Variants in SCRN2 observed in about 807,000 individuals in gnomAD.
SCRN2 encodes secernin-2.
SCRN2 carries 30 observed loss-of-function variants against 40.1 expected under a neutral mutation model. The ratio of observed to expected loss-of-function variants is 0.75; its 90% confidence interval spans 0.56 to 1.01. The LOEUF (loss-of-function observed/expected upper bound fraction) is 1.01. Ranked by LOEUF, SCRN2 falls within the 50% of genes least tolerant of loss-of-function variation. The pLI is 0.00. For missense variants in SCRN2, 526 were observed against 564.9 expected (o/e 0.93, Z 0.70); for synonymous variants, 240 against 233.5 (o/e 1.03, Z -0.25).
rs775368443 is a variant in SCRN2, at chr17:47,838,268, A to AC, written c.1119+1dup. 2 of 1,587,318 alleles carry AC rather than the reference A, an allele frequency of 1.3e-6. No homozygotes were observed. The highest frequency in any genetic ancestry group is 1.7e-6 in the Non-Finnish European group (2 of 1,170,488). On this transcript the variant is annotated splice_donor_variant, in intron 7 of 7. Coordinates refer to ENST00000290216, the MANE Select transcript of SCRN2 (RefSeq NM_138355.4). LOFTEE classifies it high-confidence loss of function. ...AGGTAGCCCCTACTCCCTGGGGGAT[A>AC]CCTGATCTCTCTCCATCAGCCCCAG...
At chr17:47,839,967 T>G in intron 3 of SCRN2, 1 of 591,866 alleles carries the variant, frequency 1.7e-6, no homozygotes, top group Non-Finnish European at 3.0e-6. Context: ...CTATGTAAGA[T>G]TTCAACTGAA....
intron 7 of SCRN2, 87 bp downstream of exon 7, chr17:47,838,183 C>CCTA (rs2033732020): frequency 6.4e-7 from 1 of 1,552,588 alleles, no homozygotes; most frequent in African/African-American, 1.4e-5. Context: ...TCTTCCACTC[C>CCTA]CTAGTTCCTT....
intron 5 of SCRN2, 44 bp downstream of exon 5, chr17:47,838,747 G>A (rs766638527): frequency 1.2e-6 from 2 of 1,610,710 alleles, no homozygotes; most frequent in African/African-American, 1.3e-5. Flanking sequence ...GGCTGGCACT[G>A]CTGTGGCCCT....
chr17:47,837,925 G>C lies in SCRN2; in HGVS notation c.1197C>G (p.Ala399=). The C allele has an allele frequency of 6.2e-7, 1 of 1,604,798 alleles. No homozygotes were observed. The highest frequency in any genetic ancestry group is 1.7e-4 in the Middle Eastern group (1 of 6,042). ...EGLEATQGLL[A]GEWAPPLWEL... is the part of the protein sequence containing the mutation. ...CCCAGAGGGGTGGGGCCCACTCGCC[G>C]GCCAGCAGCCCCTGTGTGGCCTCGA... The change falls in exon 8 of 8, where the codon GCC becomes GCG. Residue 399 remains alanine (A), a synonymous_variant. Coordinates refer to ENST00000290216, the MANE Select transcript of SCRN2 (RefSeq NM_138355.4).
intron 7 of SCRN2, 91 bp from the exon 8 acceptor site, chr17:47,838,093 G>A: frequency 6.4e-7 from 1 of 1,554,642 alleles, no homozygotes; most frequent in Non-Finnish European, 8.6e-7. Flanking sequence ...ACAAGCAGGA[G>A]AAAGGAGATA....
chr17:47,839,756 A>G (rs1456648314), intron 3 of SCRN2, 113 bp from the exon 4 acceptor site: 1 of 1,081,418 alleles, frequency 9.2e-7, no homozygotes. Flanking sequence ...GGCCCAAGTC[A>G]CACAGCAAAT....
At chr17:47,838,761 G>GGCCCCCA in intron 5 of SCRN2, 30 bp downstream of exon 5, 1 of 1,610,936 alleles carries the variant, frequency 6.2e-7, no homozygotes, top group South Asian at 1.1e-5. Context: ...TGGCCCTCCT[G>GGCCCCCA]GCCCCCAGCC....
At chr17:47,838,140 A>G in intron 7 of SCRN2, 130 bp downstream of exon 7, 2 of 1,521,498 alleles carry the variant, frequency 1.3e-6, no homozygotes, top group Non-Finnish European at 1.8e-6. Context: ...GCTGGCTTTG[A>G]AGGGAGGAAC....
rs554069040 is a variant in SCRN2 at position 47,840,538 on chromosome 17, G to A, written c.174+132C>T. The A allele has an allele frequency of 1.5e-4, 191 of 1,259,084 alleles. 1 individual carries two copies. In the South Asian group the frequency reaches 2.7e-3, roughly 18 times the overall value. 78.0% of individuals were successfully genotyped at this position (1,259,084 alleles called of 1,614,324 possible). ...AGGCTACATAATGAGCTCAGGTCCA[G>A]GTTGGTAGACCTAAAGCTCATGCTC... On this transcript the variant is annotated intron_variant, in intron 2 of 7. Transcript: ENST00000290216.
In SCRN2 at chr17:47,840,629, G is replaced by C. The variant is rs368215695; in HGVS notation, c.174+41C>G. 46 of 1,545,248 alleles carry C rather than the reference G, an allele frequency of 3.0e-5. No individual in the cohort carries two copies. The African/African-American group carries it at 5.2e-4, about 18-fold the overall frequency. ...GAAGAAGGTCTTAAAAGAATGCAGA[G>C]ATCTGCCACACCTCCCAGCACCCCA... On this transcript the variant is annotated intron_variant, in intron 2 of 7. Coordinates refer to ENST00000290216, the MANE Select transcript of SCRN2 (RefSeq NM_138355.4).
In SCRN2 at chr17:47,837,978, TCTGCTGGAGCTGCTGCCCCCGATC is replaced by T; in HGVS notation, c.1120_1143del (p.Asp374_Gln381del). On this transcript the variant is annotated inframe_deletion and splice_region_variant, in exon 8 of 8. Transcript: ENST00000290216. ...CCTTCCTGCTCCAGATCCTGCTGTT[TCTGCTGGAGCTGCTGCCCCCGATC>T]CTGCCCCAAGGGAAAGCTGAGATGA... 3 of 1,607,614 alleles carry T rather than the reference TCTGCTGGAGCTGCTGCCCCCGATC, an allele frequency of 1.9e-6. No individual in the cohort carries two copies. Among genetic ancestry groups the T allele is most frequent in the Non-Finnish European group, 2.5e-6 (3 of 1,179,662 alleles).
In SCRN2 at chr17:47,839,583, C is replaced by T. The variant is rs1305193924; in HGVS notation, c.417G>A (p.Leu139=). The T allele has an allele frequency of 1.9e-6, 3 of 1,613,974 alleles. No individual in the cohort carries two copies. The highest frequency in any genetic ancestry group is 1.3e-5 in the African/African-American group (1 of 74,936). ...QEALHVITGL[L]EHYGQGGNCL... ...AGTTGCCCCCCTGCCCATAGTGCTC[C>T]AGTAACCCTGTGATCACATGCAAGG... The change falls in exon 4 of 8, where the codon CTG becomes CTA. Residue 139 remains leucine, a synonymous_variant. Transcript: ENST00000290216.
chr17:47,839,352 G>T, intron 4 of SCRN2, 92 bp downstream of exon 4: 1 of 1,310,102 alleles, frequency 7.6e-7, no homozygotes, highest in Non-Finnish European at 1.1e-6. Context: ...CATCTCCCTG[G>T]ATGTCCTGAC....
chr17:47,839,463 C>G lies in SCRN2; in HGVS notation c.537G>C (p.Trp179Cys), dbSNP rs1475401976. Residue 179 changes from tryptophan (W) to cysteine (C), a missense_variant, in exon 4 of 8, where the codon TGG becomes TGC. Transcript: ENST00000290216. ...CCTCACCCTGGATCCTCTGTGCAGC[C>G]CAGAGCCTCCCAGCTGTCTCCAGCA... ...AWVLETAGRL[W>C]AAQRIQEGAR... 1 of 1,612,960 alleles carries G rather than the reference C, an allele frequency of 6.2e-7. No individual in the cohort carries two copies. The highest frequency in any genetic ancestry group is 1.3e-5 in the African/African-American group (1 of 75,042).
At chr17:47,839,134 G>A (rs1011904914) in intron 4 of SCRN2, 128 bp from the exon 5 acceptor site, 3 of 972,834 alleles carry the variant, frequency 3.1e-6, no homozygotes, top group Non-Finnish European at 4.5e-6. Context: ...CGTTTTGGTG[G>A]GGGAGGCAGA....
chr17:47,837,785 CAG>C lies in SCRN2; in HGVS notation c.*57_*58del. 6.6e-7 allele frequency: 1 copy of C among 1,522,348 alleles called. No homozygotes were observed. Among genetic ancestry groups the C allele is most frequent in the Admixed American group, 2.2e-5 (1 of 44,688 alleles). 94.3% of individuals were successfully genotyped at this position (1,522,348 alleles called of 1,614,324 possible). A position where few individuals can be genotyped will look rare whatever the true frequency, so the allele number is the denominator to read the frequency against. On this transcript the variant is annotated 3_prime_UTR_variant, in exon 8 of 8. Transcript: ENST00000290216. ...GGGATTGCTCCACTTTACCACCACT[CAG>C]GGCACCCAGGCCCCAGGGGTCCTGG...
chr17:47,840,637 A>C, intron 2 of SCRN2, 33 bp downstream of exon 2: 1 of 1,555,906 alleles, frequency 6.4e-7, no homozygotes, highest in Non-Finnish European at 8.7e-7. Context: ...GAGATCTGCC[A>C]CACCTCCCAG....
rs1219372546 is a variant in SCRN2, at chr17:47,840,821, G to A, written c.23C>T (p.Ser8Phe). The A allele has an allele frequency of 6.5e-7, 1 of 1,547,948 alleles. No homozygotes were observed. Among genetic ancestry groups the A allele is most frequent in the East Asian group, 2.3e-5 (1 of 42,752 alleles). The change falls in exon 2 of 8, where the codon TCC becomes TTC. Residue 8 changes from serine to phenylalanine, a missense_variant. Transcript: ENST00000290216. Reference protein sequence around the residue: MASSSPDSPCSCDCFVSV... With the variant: MASSSPDFPCSCDCFVSV... ...GACAAAGCAGTCGCAGGAACATGGG[G>A]AGTCAGGGCTCGACGACGCCATCTG...
chr17:47,837,745 G>T lies in SCRN2; in HGVS notation c.*99C>A. 1 of 1,384,208 alleles carries T rather than the reference G, an allele frequency of 7.2e-7. No individual in the cohort carries two copies. The highest frequency in any genetic ancestry group is 9.6e-7 in the Non-Finnish European group (1 of 1,046,120). The allele number at this position is 1,384,208 out of a possible 1,614,324, so 85.7% of individuals were successfully genotyped here. ...GGCCAAGCTGGCCGCTCAGAACATGGCCAAGGAGCGTGAAGGGATTGCTCC... is the reference window on the plus strand; with the variant it reads ...GGCCAAGCTGGCCGCTCAGAACATGTCCAAGGAGCGTGAAGGGATTGCTCC... On this transcript the variant is annotated 3_prime_UTR_variant, in exon 8 of 8. Coordinates refer to ENST00000290216, the MANE Select transcript of SCRN2 (RefSeq NM_138355.4).
Sources: allele counts gnomAD v4.1 joint callset, GRCh38; gene constraint gnomAD v4.1.1; transcripts MANE v1.5; gene names NCBI Gene and HGNC (gene_info 2026-07-23, HGNC 2026-07-21).